Variants in TSFM observed in about 807,000 individuals in gnomAD.
TSFM encodes the protein elongation factor Ts, mitochondrial.
A neutral mutation model predicts 33.4 loss-of-function variants in TSFM; 29 were observed. The ratio of observed to expected loss-of-function variants is 0.87; its 90% confidence interval spans 0.65 to 1.18. TSFM has a LOEUF of 1.18. Ranked by LOEUF, TSFM falls within the 50% of genes most tolerant of loss-of-function variation. The pLI is 0.00. For synonymous variants in TSFM, 178 were observed against 163.5 expected (o/e 1.09, Z -0.68); for missense variants, 394 against 395.6 (o/e 1.00, Z 0.04).
intron 5 of TSFM, 140 bp from the exon 6 acceptor site, chr12:57,796,037 G>T: frequency 4.2e-6 from 3 of 706,624 alleles, no homozygotes; most frequent in Non-Finnish European, 6.7e-6. Context: ...ACTGAAAATG[G>T]TATCTCTTCA....
chr12:57,783,778 AT>A (rs887846173), intron 2 of TSFM: 250 of 575,334 alleles, frequency 4.3e-4, no homozygotes, highest in Middle Eastern at 8.9e-4. Flanking sequence ...TTTATTTTTT[AT>A]TTTTTTTTGT....
intron 3 of TSFM, 29 bp from the exon 4 acceptor site, chr12:57,787,011 T>C (rs375377759): frequency 1.3e-5 from 21 of 1,609,260 alleles, no homozygotes; most frequent in Non-Finnish European, 1.6e-5. Flanking sequence ...TTAAACAGCT[T>C]ATACAGCTAT....
downstream of TSFM, chr12:57,802,487 C>G (rs1955870589): frequency 9.6e-7 from 1 of 1,040,508 alleles, no homozygotes; most frequent in Non-Finnish European, 1.4e-6. Flanking sequence ...CTAATTTGTT[C>G]AGCAGAGAAA....
intron 4 of TSFM, among the ~76,000 whole-genome samples, chr12:57,789,376 C>A (rs190343956): frequency 2.6e-5 from 4 of 152,244 alleles, no homozygotes; most frequent in Non-Finnish European, 5.9e-5. Context: ...AACCACAGGA[C>A]AGTGATCACA....
intron 2 of TSFM, among the ~76,000 whole-genome samples, chr12:57,784,459 C>CTT (rs1248779619): frequency 2.0e-5 from 3 of 152,150 alleles, no homozygotes; most frequent in Admixed American, 6.5e-5. Flanking sequence ...ATTTTATAAA[C>CTT]TTTTAACATG....
chr12:57,782,961 C>A, intron 1 of TSFM, 103 bp downstream of exon 1: 1 of 1,475,900 alleles, frequency 6.8e-7, no homozygotes, highest in Non-Finnish European at 9.1e-7. Flanking sequence ...ATCTCACCTT[C>A]CCCGACAGCA....
chr12:57,785,094 T>C (rs1955573377), intron 2 of TSFM, among the ~76,000 whole-genome samples: 1 of 151,556 alleles, frequency 6.6e-6, no homozygotes, highest in African/African-American at 2.4e-5. Context: ...GCCCGGCTAA[T>C]TTTTTGTATT....
intron 3 of TSFM, among the ~76,000 whole-genome samples, chr12:57,786,568 G>T (rs551454949): frequency 6.6e-6 from 1 of 152,208 alleles, no homozygotes; most frequent in Non-Finnish European, 1.5e-5. Flanking sequence ...TTGTTTCCTG[G>T]AACAGTTAGA....
At chr12:57,786,031 C>A in intron 2 of TSFM, 132 bp from the exon 3 acceptor site, 2 of 1,137,442 alleles carry the variant, frequency 1.8e-6, no homozygotes, top group Non-Finnish European at 2.4e-6. Flanking sequence ...GGTAGACTGC[C>A]AGTAAATGAT....
intron 2 of TSFM, among the ~76,000 whole-genome samples, chr12:57,785,192 T>C (rs937680989): frequency 3.3e-5 from 5 of 151,998 alleles, no homozygotes; most frequent in African/African-American, 1.2e-4. Flanking sequence ...TCCCAAAGTG[T>C]CGGGATTACA....
intron 2 of TSFM, among the ~76,000 whole-genome samples, chr12:57,784,503 A>G (rs1287901291): frequency 1.3e-5 from 2 of 152,236 alleles, no homozygotes; most frequent in Admixed American, 6.5e-5. Context: ...TAATAACAGC[A>G]TAAAACACAT....
At position 57,786,276 on chromosome 12, in the gene TSFM, A is replaced by G. The variant is rs1955590186; in HGVS notation, c.345A>G (p.Thr115=). 3 of 1,612,178 alleles carry G rather than the reference A, an allele frequency of 1.9e-6. No homozygotes were observed. The highest frequency in any genetic ancestry group is 2.5e-6 in the Non-Finnish European group (3 of 1,178,952). ...GLIGLLQEGN[T]TVLVEVNCET... The stretch of plus-strand genomic sequence containing the variant: ...TTGGGCTGTTGCAGGAAGGAAACAC[A>G]ACTGTATTAGTAGAGGTGAGTTGTT... Residue 115 remains threonine, a synonymous_variant, in exon 3 of 6, where the codon ACA becomes ACG. Coordinates refer to ENST00000652027, the MANE Select transcript of TSFM (RefSeq NM_005726.6).
chr12:57,800,251 T>C (rs1955819821), downstream of TSFM: 1 of 214,832 alleles, frequency 4.7e-6, no homozygotes. Flanking sequence ...GCCCTGCATT[T>C]CCAGCCTTTA....
intron 5 of TSFM, among the ~76,000 whole-genome samples, chr12:57,795,296 C>T (rs940274414): frequency 8.6e-5 from 13 of 151,338 alleles, no homozygotes; most frequent in African/African-American, 3.2e-4. Context: ...GACGGGGTTT[C>T]TCCATGTTGG....
Position 57,796,158 on chromosome 12 carries a change from T to C in TSFM, c.572-19T>C. 1 of 1,556,610 alleles carries C rather than the reference T, an allele frequency of 6.4e-7. No individual in the cohort carries two copies. Among genetic ancestry groups the C allele is most frequent in the Non-Finnish European group, 8.7e-7 (1 of 1,151,444 alleles). On this transcript the variant is annotated intron_variant, in intron 5 of 5. Coordinates refer to ENST00000652027, the MANE Select transcript of TSFM (RefSeq NM_005726.6). ...TCACAATTTGTTGGTGTGTTGGTTT[T>C]TTGTTTTTGCTTTAATAGGAAAACT...
chr12:57,786,342 A>G, intron 3 of TSFM, 51 bp downstream of exon 3: 3 of 1,584,616 alleles, frequency 1.9e-6, no homozygotes, highest in East Asian at 4.5e-5. Context: ...CTTGGGTGTA[A>G]AGCTTGTAGT....
chr12:57,792,744 C>T (rs1041357591), intron 4 of TSFM, among the ~76,000 whole-genome samples: 1 of 152,158 alleles, frequency 6.6e-6, no homozygotes, highest in African/African-American at 2.4e-5. Context: ...AGGCGTGTGC[C>T]ACCATGCCCA....
rs1955756545 is a variant in TSFM, at chr12:57,797,354, C to CACA, written c.*772_*773insCAA. ...ATAAAATTACCGTAACAAGCAGACC[C>CACA]AGAATACTGAAAATAACTCCATTTG... On this transcript the variant is annotated 3_prime_UTR_variant, in exon 6 of 6. Transcript: ENST00000652027. 1 of 985,202 alleles carries CACA rather than the reference C, an allele frequency of 1.0e-6. No homozygotes were observed. Among genetic ancestry groups the CACA allele is most frequent in the Non-Finnish European group, 1.2e-6 (1 of 829,912 alleles). 61.0% of individuals were successfully genotyped at this position (985,202 alleles called of 1,614,324 possible).
downstream of TSFM, among the ~76,000 whole-genome samples, chr12:57,798,551 A>G (rs117989560): frequency 0.012 from 1,791 of 152,284 alleles, 9 homozygotes; most frequent in Middle Eastern, 0.048. Flanking sequence ...CATTGTGGGA[A>G]ATCCAGAGTC....
Sources: allele counts gnomAD v4.1 joint callset (sites outside exome capture counted in the v4.1 genomes callset), GRCh38; gene constraint gnomAD v4.1.1; transcripts MANE v1.5; gene names NCBI Gene and HGNC (gene_info 2026-07-23, HGNC 2026-07-21).